DNM3: variants seen among roughly 807,000 people sequenced by gnomAD.
The protein encoded by DNM3 is dynamin-3.
DNM3 carries 47 observed loss-of-function variants against 101.6 expected under a neutral mutation model. The observed-to-expected ratio is 0.46, with a 90% confidence interval of 0.37 to 0.59. The LOEUF is 0.59. DNM3 is among the 20% of genes least tolerant of loss of function. The pLI is 0.00. For missense variants in DNM3, 849 were observed against 1,085.7 expected, an observed-to-expected ratio of 0.78 and a Z score of 3.06; for synonymous variants, 385 against 387.9, an observed-to-expected ratio of 0.99 and a Z score of 0.09.
At chr1:172,372,929 C>CGGTA (rs2068420475) in intron 17 of DNM3, among the ~76,000 whole-genome samples, 1 of 151,788 alleles carries the variant, frequency 6.6e-6, no homozygotes, top group African/African-American at 2.4e-5. Flanking sequence ...AGTGATCTAC[C>CGGTA]CACCTTGGCT....
At chr1:172,208,931 G>C (rs1473177320) in intron 14 of DNM3, among the ~76,000 whole-genome samples, 2 of 152,088 alleles carry the variant, frequency 1.3e-5, no homozygotes, top group African/African-American at 4.8e-5. Flanking sequence ...TGAAATACAT[G>C]GATCCAGGTA....
chr1:171,852,851 G>A (rs766126484), intron 1 of DNM3, among the ~76,000 whole-genome samples: 6 of 152,192 alleles, frequency 3.9e-5, no homozygotes, highest in Non-Finnish European at 7.3e-5. Flanking sequence ...GTGTAGTCAG[G>A]AGAGGGGTTG....
In DNM3 at chr1:172,163,264, G is replaced by A. The variant is rs1249863057; in HGVS notation, c.1659+31976G>A. ...TTTTGTTTTTTTTTTTTTTTGAGAC[G>A]GAGTCACTCCGTCACCCAGGCTGGA... On this transcript the variant is annotated intron_variant, in intron 14 of 20. Transcript: ENST00000627582. Among the ~76,000 whole-genome samples the A allele has an allele frequency of 1.2e-4, 17 of 139,420 alleles. No homozygotes were observed. The Admixed American group carries it at 1.3e-3, about 10-fold the overall frequency. The allele number at this position is 139,420 out of a possible 152,430, so 91.5% of individuals were successfully genotyped here.
chr1:172,134,496 G>A (rs1253983641), intron 14 of DNM3, among the ~76,000 whole-genome samples: 1 of 152,164 alleles, frequency 6.6e-6, no homozygotes, highest in Non-Finnish European at 1.5e-5. Context: ...TCAAAAGAGA[G>A]TGAGTAACTT....
chr1:172,295,091 T>TATC (rs1299619326), intron 15 of DNM3, among the ~76,000 whole-genome samples: 1 of 152,152 alleles, frequency 6.6e-6, no homozygotes, highest in African/African-American at 2.4e-5. Context: ...ATTGAAAATC[T>TATC]ATCAGTGACC....
rs10660603 is a variant in DNM3 at position 172,337,870 on chromosome 1, T to A, written c.1893+14530T>A. ...ATTTTATTTTATTTTATTTTATTTT[T>A]ATTTTATTTTATTTTATTTTATTTT... On this transcript the variant is annotated intron_variant, in intron 17 of 20. Coordinates refer to ENST00000627582, the MANE Select transcript of DNM3 (RefSeq NM_015569.5). Among the ~76,000 whole-genome samples the A allele has an allele frequency of 1.9e-3, 141 of 75,466 alleles. 1 individual carries two copies. The African/African-American group carries it at 0.02, about 11-fold the overall frequency. The allele number at this position is 75,466 out of a possible 152,430, so 49.5% of individuals were successfully genotyped here. A position where few individuals can be genotyped will look rare whatever the true frequency, so the allele number is the denominator to read the frequency against.
chr1:171,954,052 C>T (rs539838074), intron 2 of DNM3, among the ~76,000 whole-genome samples: 3 of 152,202 alleles, frequency 2.0e-5, no homozygotes, highest in Admixed American at 2.0e-4. Flanking sequence ...GGACTACTGC[C>T]CCTTCTGTTG....
intron 4 of DNM3, among the ~76,000 whole-genome samples, chr1:172,008,554 C>T (rs1572059407): frequency 6.9e-6 from 1 of 145,564 alleles, no homozygotes; most frequent in East Asian, 2.0e-4. Flanking sequence ...TTCCATTGGT[C>T]TAGTTTTAGC....
intron 1 of DNM3, among the ~76,000 whole-genome samples, chr1:171,884,410 A>ATG (rs1301400540): frequency 2.0e-5 from 3 of 152,174 alleles, no homozygotes; most frequent in Non-Finnish European, 4.4e-5. Flanking sequence ...CATATATGTT[A>ATG]TCTTTAGGTC....
At chr1:171,919,254 C>T (rs1244113296) in intron 1 of DNM3, among the ~76,000 whole-genome samples, 1 of 151,928 alleles carries the variant, frequency 6.6e-6, no homozygotes, top group African/African-American at 2.4e-5. Flanking sequence ...TTTGCTGCAC[C>T]CATCAACCCG....
At chr1:171,944,974 C>T (rs1016276945) in intron 2 of DNM3, among the ~76,000 whole-genome samples, 1 of 149,932 alleles carries the variant, frequency 6.7e-6, no homozygotes, top group Non-Finnish European at 1.5e-5. Flanking sequence ...GGTGATCCTC[C>T]TGCTTCAGCC....
At chr1:172,218,652 T>C (rs2060793033) in intron 14 of DNM3, among the ~76,000 whole-genome samples, 1 of 152,134 alleles carries the variant, frequency 6.6e-6, no homozygotes, top group Non-Finnish European at 1.5e-5. Context: ...CTGAAATATA[T>C]GTGGCTCCAA....
intron 15 of DNM3, among the ~76,000 whole-genome samples, chr1:172,259,674 A>G (rs573324869): frequency 5.9e-5 from 9 of 152,212 alleles, no homozygotes; most frequent in Non-Finnish European, 1.3e-4. Context: ...ATATAGTTAG[A>G]TCATTTTCAA....
intron 1 of DNM3, among the ~76,000 whole-genome samples, chr1:171,879,945 G>A (rs538133300): frequency 1.3e-5 from 2 of 152,214 alleles, no homozygotes; most frequent in Admixed American, 6.5e-5. Flanking sequence ...TGGAAGTGGC[G>A]CTCATGGTGA....
chr1:172,159,540 CTATCTTAAGAA>C (rs985444444), intron 14 of DNM3, among the ~76,000 whole-genome samples: 1 of 152,054 alleles, frequency 6.6e-6, no homozygotes, highest in Non-Finnish European at 1.5e-5. Context: ...TTCATGAAAT[CTATCTTAAGAA>C]GTAGATGATG....
intron 17 of DNM3, among the ~76,000 whole-genome samples, chr1:172,326,183 T>C (rs1177893460): frequency 6.6e-6 from 1 of 152,210 alleles, no homozygotes; most frequent in African/African-American, 2.4e-5. Flanking sequence ...ATCATATGTA[T>C]GTTGTTATTT....
At chr1:172,373,833 G>T (rs1019679858) in intron 17 of DNM3, among the ~76,000 whole-genome samples, 2 of 152,006 alleles carry the variant, frequency 1.3e-5, no homozygotes, top group Non-Finnish European at 2.9e-5. Context: ...ATAGATCTTT[G>T]TCTAAGCAAT....
At chr1:171,936,901 A>G (rs945026484) in intron 2 of DNM3, among the ~76,000 whole-genome samples, 2 of 22,436 alleles carry the variant, frequency 8.9e-5, no homozygotes, top group African/African-American at 3.4e-4. Flanking sequence ...GGGGCTCCAC[A>G]ATGGGGGTCA....
chr1:171,854,472 T>A (rs2033354455), intron 1 of DNM3, among the ~76,000 whole-genome samples: 1 of 152,174 alleles, frequency 6.6e-6, no homozygotes, highest in Admixed American at 6.5e-5. Context: ...GTGTTCTGGA[T>A]GATCAAAGGA....
Sources: allele counts gnomAD v4.1 joint callset (sites outside exome capture counted in the v4.1 genomes callset), GRCh38; gene constraint gnomAD v4.1.1; transcripts MANE v1.5; gene names NCBI Gene and HGNC (gene_info 2026-07-23, HGNC 2026-07-21).